Variants in CHST8 observed in about 807,000 individuals in gnomAD.
CHST8 encodes GALNAC-4-ST1.
Under a neutral mutation model 15.0 loss-of-function variants are expected in CHST8, and 10 were observed. That is an observed-to-expected ratio of 0.67 (90% CI 0.41 to 1.13). The LOEUF is 1.13. Among genes scored for constraint, CHST8 ranks in the 50% most tolerant of loss-of-function variants. CHST8 has a pLI of 0.00. For synonymous variants in CHST8, 259 were observed against 256.6 expected, an observed-to-expected ratio of 1.01 and a Z score of -0.09; for missense variants, 634 against 608.2, an observed-to-expected ratio of 1.04 and a Z score of -0.45.
intron 3 of CHST8, among the ~76,000 whole-genome samples, chr19:33,730,732 A>G (rs1298062020): frequency 2.0e-5 from 3 of 152,252 alleles, no homozygotes; most frequent in Admixed American, 6.5e-5. Context: ...GACTCCCACA[A>G]TCACAAAGTG....
intron 2 of CHST8, among the ~76,000 whole-genome samples, chr19:33,672,197 T>TTG (rs1491004969): frequency 3.7e-5 from 5 of 135,204 alleles, no homozygotes; most frequent in Admixed American, 1.6e-4. Context: ...TTTTCTTTTT[T>TTG]TGTGTGTGTG....
intron 3 of CHST8, among the ~76,000 whole-genome samples, chr19:33,709,818 T>A (rs1180011900): frequency 6.6e-6 from 1 of 152,198 alleles, no homozygotes; most frequent in Non-Finnish European, 1.5e-5. Context: ...TGAAGATATC[T>A]GAGACTAGAC....
At chr19:33,640,690 T>A (rs1304369887) in intron 1 of CHST8, among the ~76,000 whole-genome samples, 2 of 152,248 alleles carry the variant, frequency 1.3e-5, no homozygotes, top group East Asian at 3.8e-4. Flanking sequence ...CTGTTGCCAA[T>A]AAATGCCGGG....
At chr19:33,764,519 A>G (rs1256411897) in intron 3 of CHST8, among the ~76,000 whole-genome samples, 1 of 152,060 alleles carries the variant, frequency 6.6e-6, no homozygotes, top group Non-Finnish European at 1.5e-5. Context: ...CAAACAAAAA[A>G]ACACTCTTAA....
intron 1 of CHST8, among the ~76,000 whole-genome samples, chr19:33,638,796 G>T (rs1400920317): frequency 6.6e-6 from 1 of 152,060 alleles, no homozygotes; most frequent in Non-Finnish European, 1.5e-5. Flanking sequence ...AGTGACCTTG[G>T]AACCTGCATG....
At chr19:33,627,097 T>TAG (rs1972063701) in intron 1 of CHST8, among the ~76,000 whole-genome samples, 3 of 33,492 alleles carry the variant, frequency 9.0e-5, no homozygotes, top group African/African-American at 3.0e-4. Context: ...TCCTCTTTTT[T>TAG]TGGGGGGGGG....
intron 3 of CHST8, among the ~76,000 whole-genome samples, chr19:33,731,705 C>T (rs1973996703): frequency 6.6e-6 from 1 of 152,284 alleles, no homozygotes; most frequent in Non-Finnish European, 1.5e-5. Context: ...CTAGTTCAAA[C>T]GCCTTTGACA....
chr19:33,694,068 C>A (rs1275897152), intron 3 of CHST8, among the ~76,000 whole-genome samples: 1 of 115,494 alleles, frequency 8.7e-6, no homozygotes, highest in Non-Finnish European at 1.7e-5. Flanking sequence ...ACAATGTTAC[C>A]ATACAGATTC....
At chr19:33,664,925 G>A (rs188430936) in intron 1 of CHST8, among the ~76,000 whole-genome samples, 287 of 152,282 alleles carry the variant, frequency 1.9e-3, no homozygotes, top group Middle Eastern at 3.4e-3. Context: ...CAAATAACAA[G>A]ATTTCATTCT....
At chr19:33,688,233 G>A (rs1004542478) in intron 2 of CHST8, among the ~76,000 whole-genome samples, 1 of 152,240 alleles carries the variant, frequency 6.6e-6, no homozygotes, top group Non-Finnish European at 1.5e-5. Flanking sequence ...GCCTTGGGGT[G>A]CCCCCATCTC....
At chr19:33,688,119 G>A (rs535635501) in intron 2 of CHST8, among the ~76,000 whole-genome samples, 1 of 152,314 alleles carries the variant, frequency 6.6e-6, no homozygotes, top group African/African-American at 2.4e-5. Context: ...CGGGGTTGGG[G>A]GGTCCCTAGA....
At chr19:33,735,683 C>A (rs1194569103) in intron 3 of CHST8, among the ~76,000 whole-genome samples, 1 of 152,294 alleles carries the variant, frequency 6.6e-6, no homozygotes, top group East Asian at 1.9e-4. Context: ...AAAAATTAGC[C>A]GGGCGTGCTG....
At chr19:33,702,529 CCTT>C (rs1172219138) in intron 3 of CHST8, among the ~76,000 whole-genome samples, 2 of 152,246 alleles carry the variant, frequency 1.3e-5, no homozygotes, top group Non-Finnish European at 2.9e-5. Context: ...AACAAAGACA[CCTT>C]CTGAAATTTC....
At chr19:33,624,414 G>A (rs988355981) in intron 1 of CHST8, among the ~76,000 whole-genome samples, 1 of 152,190 alleles carries the variant, frequency 6.6e-6, no homozygotes, top group African/African-American at 2.4e-5. Flanking sequence ...TGTTAGAGAT[G>A]CCTTTATAAT....
chr19:33,678,770 G>GGTTA (rs746510154), intron 2 of CHST8, among the ~76,000 whole-genome samples: 3 of 152,090 alleles, frequency 2.0e-5, no homozygotes, highest in Admixed American at 6.6e-5. Context: ...AGATATTGGA[G>GGTTA]GTTACCCTTT....
chr19:33,767,555 G>A (rs1041053754), intron 3 of CHST8, among the ~76,000 whole-genome samples: 2 of 152,172 alleles, frequency 1.3e-5, no homozygotes, highest in African/African-American at 2.4e-5. Flanking sequence ...CATAACTCAC[G>A]CCTTGTTTAT....
chr19:33,669,094 G>T (rs1208055486), intron 2 of CHST8, among the ~76,000 whole-genome samples: 1 of 152,146 alleles, frequency 6.6e-6, no homozygotes, highest in Non-Finnish European at 1.5e-5. Flanking sequence ...GTTCCCATCA[G>T]CCACAGGCAC....
intron 3 of CHST8, among the ~76,000 whole-genome samples, chr19:33,704,672 G>A (rs368606915): frequency 2.0e-5 from 3 of 152,294 alleles, no homozygotes; most frequent in African/African-American, 7.2e-5. Flanking sequence ...CACTTTGGGA[G>A]GCCGAAGCAG....
At chr19:33,633,660 A>G (rs928913473) in intron 1 of CHST8, among the ~76,000 whole-genome samples, 1 of 151,724 alleles carries the variant, frequency 6.6e-6, no homozygotes, top group Non-Finnish European at 1.5e-5. Context: ...GGCCTCCCAA[A>G]GTGTTGGGAT....
Sources: allele counts gnomAD v4.1 joint callset (sites outside exome capture counted in the v4.1 genomes callset), GRCh38; gene constraint gnomAD v4.1.1; transcripts MANE v1.5; gene names NCBI Gene and HGNC (gene_info 2026-07-23, HGNC 2026-07-21).